PCDH15: variants seen among roughly 807,000 people sequenced by gnomAD.
PCDH15 encodes protocadherin-15.
Under a neutral mutation model 178.5 loss-of-function variants are expected in PCDH15, and 129 were observed. The ratio of observed to expected loss-of-function variants is 0.72; its 90% confidence interval spans 0.63 to 0.84. The LOEUF is 0.84. Ranked by LOEUF, PCDH15 falls within the 40% of genes least tolerant of loss-of-function variation. The pLI, the probability that PCDH15 is intolerant of heterozygous loss-of-function variation, is 0.00. For missense variants in PCDH15, 2,230 were observed against 2,099.9 expected (o/e 1.06, Z -1.21); for synonymous variants, 800 against 732.0 (o/e 1.09, Z -1.50).
chr10:54,790,431 C>T (rs905149309), intron 1 of PCDH15, among the ~76,000 whole-genome samples: 1 of 151,554 alleles, frequency 6.6e-6, no homozygotes, highest in African/African-American at 2.4e-5. Context: ...CTCAACTTCC[C>T]AATAGTTAAA....
In PCDH15 at chr10:54,695,545, T is replaced by C. The variant is rs181019488; in HGVS notation, c.-28-31255A>G. Among the ~76,000 whole-genome samples, 73 of 152,268 alleles carry C rather than the reference T, an allele frequency of 4.8e-4. 1 individual carries two copies. The East Asian group carries it at 0.014, about 29-fold the overall frequency. ...GAAGGTGGCTACACTGAACAAGAGA[T>C]TTTTAATATAGATGAAAATACCTTC... is the stretch of plus-strand genomic sequence containing the variant. On this transcript the variant is annotated intron_variant, in intron 1 of 37. Coordinates refer to ENST00000644397, the MANE Select transcript of PCDH15 (RefSeq NM_001384140.1).
Position 54,372,912 on chromosome 10 carries a change from G to T in PCDH15, c.319-3637C>A, listed in dbSNP as rs1332436228. ...AGGTTATGATATGTGTATCAGGAAT[G>T]ATATATATCAACAATTAAAGGATAC... On this transcript the variant is annotated intron_variant, in intron 4 of 37. Transcript: ENST00000644397. Among the ~76,000 whole-genome samples the T allele has an allele frequency of 2.0e-5, 3 of 151,696 alleles. No individual in the cohort carries two copies. In the East Asian group the frequency reaches 5.8e-4, roughly 29 times the overall value.
intron 15 of PCDH15, among the ~76,000 whole-genome samples, chr10:54,129,659 A>G (rs2042262143): frequency 6.6e-6 from 1 of 152,198 alleles, no homozygotes; most frequent in Non-Finnish European, 1.5e-5. Context: ...GTGCCACACT[A>G]AGTGTTAATT....
At chr10:53,866,452 T>TATAC (rs1220840871) in intron 27 of PCDH15, among the ~76,000 whole-genome samples, 190 bp downstream of exon 27, 1 of 149,024 alleles carries the variant, frequency 6.7e-6, no homozygotes, top group African/African-American at 2.4e-5. Context: ...TGTAAATATA[T>TATAC]ATATATATAT....
chr10:54,947,441 G>C (rs2123996), intron 2 of PCDH15, among the ~76,000 whole-genome samples: 1,995 of 151,926 alleles, frequency 0.013, 109 homozygotes, highest in Admixed American at 0.094. Flanking sequence ...AATGTCCCTT[G>C]AATGATATTT....
chr10:54,411,972 T>C (rs900613081), intron 3 of PCDH15, among the ~76,000 whole-genome samples: 79 of 152,146 alleles, frequency 5.2e-4, no homozygotes, highest in African/African-American at 1.9e-3. Context: ...ATTTAGCTTT[T>C]TGGGGCTATG....
chr10:53,864,884 T>C (rs1170164503), intron 27 of PCDH15, among the ~76,000 whole-genome samples: 3 of 152,176 alleles, frequency 2.0e-5, no homozygotes, highest in Non-Finnish European at 4.4e-5. Flanking sequence ...GTGTGTTTTG[T>C]TCAATTCTTT....
chr10:54,608,396 C>T (rs991950818), intron 2 of PCDH15, among the ~76,000 whole-genome samples: 4 of 151,854 alleles, frequency 2.6e-5, no homozygotes, highest in African/African-American at 4.8e-5. Context: ...CGCTTCAACT[C>T]GGGAGTTTGA....
intron 25 of PCDH15, among the ~76,000 whole-genome samples, chr10:53,904,268 T>G (rs1377577215): frequency 1.3e-5 from 2 of 152,158 alleles, no homozygotes; most frequent in African/African-American, 4.8e-5. Context: ...TCATTTCAGT[T>G]ATGAACAAAC....
At chr10:55,372,074 T>G (rs996642966) in intron 2 of PCDH15, among the ~76,000 whole-genome samples, 1 of 152,184 alleles carries the variant, frequency 6.6e-6, no homozygotes, top group Non-Finnish European at 1.5e-5. Flanking sequence ...CATCAGCTAA[T>G]TGTTTCAATT....
At chr10:55,287,668 T>C (rs1430475893) in intron 1 of PCDH15, among the ~76,000 whole-genome samples, 2 of 151,970 alleles carry the variant, frequency 1.3e-5, no homozygotes, top group Non-Finnish European at 2.9e-5. Flanking sequence ...AGCTTTTTTC[T>C]TGTGTAGTGT....
intron 2 of PCDH15, among the ~76,000 whole-genome samples, chr10:54,904,644 T>C (rs1334204389): frequency 6.6e-6 from 1 of 152,048 alleles, no homozygotes; most frequent in Non-Finnish European, 1.5e-5. Context: ...GCCATCAGAA[T>C]GAACCATGAC....
chr10:55,110,332 G>A (rs1837468917), intron 2 of PCDH15, among the ~76,000 whole-genome samples: 1 of 151,920 alleles, frequency 6.6e-6, no homozygotes, highest in South Asian at 2.1e-4. Flanking sequence ...GGTACATCAG[G>A]AGTATTTAAT....
chr10:54,936,196 A>G (rs1837903316), intron 2 of PCDH15, among the ~76,000 whole-genome samples: 1 of 152,054 alleles, frequency 6.6e-6, no homozygotes, highest in Non-Finnish European at 1.5e-5. Flanking sequence ...TTCAATATTT[A>G]TCCATGTTGT....
intron 2 of PCDH15, among the ~76,000 whole-genome samples, chr10:54,587,338 G>T (rs925202494): frequency 1.6e-4 from 25 of 152,116 alleles, no homozygotes; most frequent in African/African-American, 5.8e-4. Flanking sequence ...GTAAAACGTT[G>T]AGTCCAGTGA....
intron 21 of PCDH15, among the ~76,000 whole-genome samples, chr10:53,982,276 T>C (rs777374130): frequency 1.0e-3 from 155 of 152,246 alleles, no homozygotes; most frequent in South Asian, 2.1e-3. Context: ...TCCTCAGGGA[T>C]CTAGAACTAG....
intron 2 of PCDH15, among the ~76,000 whole-genome samples, chr10:55,435,254 T>C (rs931197195): frequency 6.6e-6 from 1 of 152,176 alleles, no homozygotes; most frequent in Non-Finnish European, 1.5e-5. Context: ...TACGAAGGTA[T>C]TGATACAAAC....
chr10:55,305,056 A>C (rs1374119007), intron 1 of PCDH15, among the ~76,000 whole-genome samples: 1 of 152,190 alleles, frequency 6.6e-6, no homozygotes, highest in East Asian at 1.9e-4. Flanking sequence ...TGAAAAAAGA[A>C]GCCACTGCTT....
rs866872274 is a variant in PCDH15 at position 55,159,375 on chromosome 10, A to G, written c.-80+7201T>C. ...TATCTATCTATCTATCTATCTATATATATATATATATATACACACATACAC... is the reference window on the plus strand; with the variant it reads ...TATCTATCTATCTATCTATCTATATGTATATATATATATACACACATACAC... On this transcript the variant is annotated intron_variant, in intron 2 of 5. Transcript: ENST00000458638. 6.5e-4 allele frequency among the ~76,000 whole-genome samples: 4 copies of G among 6,138 alleles called. No individual in the cohort carries two copies. The East Asian group carries it at 0.17, about 256-fold the overall frequency. 4.0% of individuals were successfully genotyped at this position (6,138 alleles called of 152,430 possible). A position where few individuals can be genotyped will look rare whatever the true frequency, so the allele number is the denominator to read the frequency against.
Sources: gnomAD v4.1 joint callset for allele counts (sites outside exome capture counted in the v4.1 genomes callset) on GRCh38, gnomAD v4.1.1 for gene constraint, MANE v1.5 for transcripts, NCBI Gene and HGNC (gene_info 2026-07-23, HGNC 2026-07-21) for gene names.